The following SRGAP2B variants were observed in gnomAD, a reference collection of about 807,000 sequenced individuals.
The protein encoded by SRGAP2B is SLIT-ROBO Rho GTPase-activating protein 2B.
SRGAP2B carries 9 observed loss-of-function variants against 22.2 expected under a neutral mutation model. The observed-to-expected ratio is 0.41, with a 90% CI of 0.24 to 0.71. SRGAP2B has a LOEUF of 0.71. Among genes scored for constraint, SRGAP2B ranks in the 30% least tolerant of loss-of-function variants. The pLI is 0.35. For missense variants in SRGAP2B, 114 were observed against 235.8 expected, an observed-to-expected ratio of 0.48 and a Z score of 3.38; for synonymous variants, 36 against 87.4, an observed-to-expected ratio of 0.41 and a Z score of 3.28.
At chr1:144,963,133 C>T (rs587613435) in intron 3 of SRGAP2B, among the ~76,000 whole-genome samples, 1 of 151,032 alleles carries the variant, frequency 6.6e-6, no homozygotes, top group Admixed American at 6.6e-5. Flanking sequence ...GTTTACATCC[C>T]ATGTGTTAGC....
intron 2 of SRGAP2B, among the ~76,000 whole-genome samples, chr1:145,068,243 GA>G (rs1651725195): frequency 6.8e-6 from 1 of 147,830 alleles, no homozygotes; most frequent in African/African-American, 2.6e-5. Flanking sequence ...ACAGCTCCAT[GA>G]AAGCAGGGAC....
In SRGAP2B at chr1:145,080,864, C is replaced by T. The variant is rs587740596; in HGVS notation, c.67+11971G>A. The stretch of plus-strand genomic sequence containing the variant: ...GGCACCCAGCCAGGCCGATCTTCAA[C>T]GTATTAATAAGCAAAAATAATGAAC... On this transcript the variant is annotated intron_variant, in intron 2 of 9. Transcript: ENST00000612199. 7.0e-4 allele frequency among the ~76,000 whole-genome samples: 104 copies of T among 149,612 alleles called. 3 individuals carry two copies. Among genetic ancestry groups the T allele is most frequent in the Middle Eastern group, 6.9e-3 (2 of 290 alleles).
intron 4 of SRGAP2B, among the ~76,000 whole-genome samples, chr1:144,945,456 ACG>A (rs1364185860): frequency 5.9e-5 from 9 of 151,750 alleles, no homozygotes; most frequent in Non-Finnish European, 1.0e-4. Context: ...ATGGCAGCTC[ACG>A]CCTGTAATCC....
At chr1:144,924,815 T>C (rs1553604738) in intron 4 of SRGAP2B, among the ~76,000 whole-genome samples, 1 of 149,006 alleles carries the variant, frequency 6.7e-6, no homozygotes, top group Non-Finnish European at 1.5e-5. Context: ...GTCAAGTTTG[T>C]TGTATTTTTA....
chr1:144,921,562 T>C lies in SRGAP2B; in HGVS notation c.424-6808A>G. On this transcript the variant is annotated intron_variant, in intron 4 of 9. Coordinates refer to ENST00000612199, the Ensembl canonical transcript of SRGAP2B. ...TATTTTAAAAGAAAATGTCAGAAAC[T>C]TGACTAGTCTAAGGCCCAATACCTG... Among the ~76,000 whole-genome samples, 2 of 126,820 alleles carry C rather than the reference T, an allele frequency of 1.6e-5. 1 individual carries two copies. Among genetic ancestry groups the C allele is most frequent in the Admixed American group, 1.6e-4 (2 of 12,274 alleles). 83.2% of individuals were successfully genotyped at this position (126,820 alleles called of 152,430 possible).
intron 3 of SRGAP2B, among the ~76,000 whole-genome samples, chr1:144,992,963 G>C (rs1253225884): frequency 1.3e-5 from 2 of 151,916 alleles, no homozygotes; most frequent in East Asian, 3.9e-4. Context: ...ATAAAATGCT[G>C]TAAGAATTCA....
chr1:144,964,664 A>G (rs1769126), intron 3 of SRGAP2B, among the ~76,000 whole-genome samples: 2 of 117,104 alleles, frequency 1.7e-5, no homozygotes, highest in African/African-American at 3.2e-5. Flanking sequence ...TGCTTAAGAC[A>G]CAGAGTCTAG....
chr1:144,912,153 C>T (rs1349233594), intron 5 of SRGAP2B, among the ~76,000 whole-genome samples: 4 of 147,272 alleles, frequency 2.7e-5, no homozygotes, highest in African/African-American at 7.8e-5. Flanking sequence ...AGGGTTTCAC[C>T]GTGTTAGCCA....
At chr1:144,977,224 T>C (rs1668965232) in intron 3 of SRGAP2B, among the ~76,000 whole-genome samples, 1 of 69,366 alleles carries the variant, frequency 1.4e-5, no homozygotes, top group Non-Finnish European at 2.5e-5. Flanking sequence ...CTGCCAAAAG[T>C]GTGTGACTTG....
intron 3 of SRGAP2B, among the ~76,000 whole-genome samples, chr1:144,971,866 G>A (rs587651982): frequency 6.6e-6 from 1 of 150,716 alleles, no homozygotes; most frequent in Admixed American, 6.6e-5. Flanking sequence ...GTGGAGCAGG[G>A]CAAGAATCCA....
intron 4 of SRGAP2B, among the ~76,000 whole-genome samples, chr1:144,925,191 C>G (rs148718024): frequency 1.3e-5 from 2 of 150,370 alleles, no homozygotes; most frequent in East Asian, 3.9e-4. Flanking sequence ...TTAGTAAAGA[C>G]AGAGAGTTTC....
At chr1:144,925,773 AAGAAAG>A (rs1664671449) in intron 4 of SRGAP2B, among the ~76,000 whole-genome samples, 1 of 144,244 alleles carries the variant, frequency 6.9e-6, no homozygotes, top group African/African-American at 2.6e-5. Context: ...GAAAGAAAGA[AAGAAAG>A]AAAGAAAGAA....
At chr1:144,950,014 TGCCCCTCATG>T (rs1666741056) in intron 4 of SRGAP2B, among the ~76,000 whole-genome samples, 1 of 59,854 alleles carries the variant, frequency 1.7e-5, no homozygotes, top group African/African-American at 7.3e-5. Flanking sequence ...CTTTAGAACA[TGCCCCTCATG>T]GAGACCACAG....
intron 7 of SRGAP2B, among the ~76,000 whole-genome samples, chr1:144,898,557 G>C (rs1314418524): frequency 7.3e-5 from 11 of 149,870 alleles, no homozygotes; most frequent in African/African-American, 2.0e-4. Context: ...CGGGTCCTAA[G>C]AAGAAACCTC....
At chr1:145,090,199 C>A (rs1653853053) in intron 2 of SRGAP2B, among the ~76,000 whole-genome samples, 1 of 148,870 alleles carries the variant, frequency 6.7e-6, no homozygotes, top group Non-Finnish European at 1.5e-5. Context: ...TAGTGGGGGG[C>A]AGAGCCAAAC....
intron 3 of SRGAP2B, among the ~76,000 whole-genome samples, chr1:144,976,483 C>CTAT (rs1244513120): frequency 2.2e-5 from 3 of 137,144 alleles, no homozygotes; most frequent in African/African-American, 9.5e-5. Context: ...CTGAAAGGGA[C>CTAT]TATAAATAAT....
intron 3 of SRGAP2B, among the ~76,000 whole-genome samples, chr1:144,958,023 A>G (rs1190807739): frequency 2.7e-5 from 4 of 149,748 alleles, no homozygotes; most frequent in Non-Finnish European, 4.4e-5. Context: ...ATGTACACAC[A>G]TTTGTATCTT....
intron 2 of SRGAP2B, among the ~76,000 whole-genome samples, chr1:145,013,421 G>A (rs1476429721): frequency 6.7e-6 from 1 of 150,266 alleles, no homozygotes; most frequent in Non-Finnish European, 1.5e-5. Flanking sequence ...TACAAGGCAT[G>A]AGAGGCGCCC....
chr1:144,984,313 T>A, intron 3 of SRGAP2B, among the ~76,000 whole-genome samples: 1 of 127,424 alleles, frequency 7.8e-6, no homozygotes, highest in Non-Finnish European at 1.6e-5. Context: ...AGAGCGAAAC[T>A]CCATCTAAAA....
Sources: gnomAD v4.1 joint callset for allele counts (sites outside exome capture counted in the v4.1 genomes callset) on GRCh38, gnomAD v4.1.1 for gene constraint, MANE v1.5 for transcripts, NCBI Gene and HGNC (gene_info 2026-07-23, HGNC 2026-07-21) for gene names.